PFKP: variants seen among roughly 807,000 people sequenced by gnomAD.
PFKP encodes phosphofructokinase, platelet.
Under a neutral mutation model 94.3 loss-of-function variants are expected in PFKP, and 101 were observed. The ratio of observed to expected loss-of-function variants is 1.07; its 90% CI spans 0.91 to 1.26. The LOEUF is 1.26. Ranked by LOEUF, PFKP falls within the 50% of genes most tolerant of loss-of-function variation. The pLI is 0.00. For missense variants in PFKP, 1,145 were observed against 1,103.3 expected (o/e 1.04, Z -0.53); for synonymous variants, 573 against 432.6 (o/e 1.32, Z -4.03).
intron 20 of PFKP, 133 bp from the exon 21 acceptor site, chr10:3,135,601 TCA>T (rs1839173125): frequency 3.3e-6 from 2 of 606,796 alleles, no homozygotes; most frequent in Non-Finnish European, 5.9e-6. Context: ...GCGGCTGTTC[TCA>T]GTCTCACTGG....
chr10:3,088,114 T>C (rs1833760233), intron 2 of PFKP, among the ~76,000 whole-genome samples: 1 of 150,276 alleles, frequency 6.7e-6, no homozygotes, highest in South Asian at 2.2e-4. Context: ...TCATTTACAT[T>C]AGGTATATCT....
chr10:3,110,274 C>G (rs1165127572), intron 10 of PFKP, among the ~76,000 whole-genome samples: 6 of 151,940 alleles, frequency 3.9e-5, no homozygotes, highest in Non-Finnish European at 8.8e-5. Flanking sequence ...TCTTGGCTCA[C>G]TGCAAGCTCC....
chr10:3,092,103 C>T (rs1435918932), intron 2 of PFKP, among the ~76,000 whole-genome samples: 1 of 152,172 alleles, frequency 6.6e-6, no homozygotes, highest in African/African-American at 2.4e-5. Context: ...CCGCCACCGG[C>T]CCCCAAGCTT....
At chr10:3,119,289 A>C (rs1733052176) in intron 15 of PFKP, among the ~76,000 whole-genome samples, 2 of 152,202 alleles carry the variant, frequency 1.3e-5, no homozygotes, top group African/African-American at 2.4e-5. Flanking sequence ...GTCCCATGGT[A>C]ACCTTTCCAT....
intron 1 of PFKP, chr10:3,068,530 C>T (rs1831912523): frequency 6.7e-6 from 2 of 299,166 alleles, no homozygotes; most frequent in African/African-American, 4.5e-5. Flanking sequence ...AGCGGCGCCG[C>T]GGCGCGGGCT....
chr10:3,102,545 C>A (rs1835121283), intron 4 of PFKP, among the ~76,000 whole-genome samples: 1 of 152,006 alleles, frequency 6.6e-6, no homozygotes. Flanking sequence ...TCCCAAGCAG[C>A]TGGGATTACA....
Position 3,129,937 on chromosome 10 carries a change from A to T in PFKP, c.1802A>T (p.Asp601Val). The T allele has an allele frequency of 1.2e-6, 2 of 1,607,516 alleles. No individual in the cohort carries two copies. The highest frequency in any genetic ancestry group is 1.7e-6 in the Non-Finnish European group (2 of 1,176,520). Residue 601 changes from aspartate to valine, a missense_variant, in exon 17 of 22, where the codon GAT becomes GTT. Physicochemically the swap from Asp to Val is radical, Grantham distance 152 (BLOSUM62 -3). Transcript: ENST00000381125. ...ATGGGGGGGCTCGCGGCCGGAGCTGATGCCGCATACATTTTCGAAGAGCCC... is the reference window on the plus strand; with the variant it reads ...ATGGGGGGGCTCGCGGCCGGAGCTGTTGCCGCATACATTTTCGAAGAGCCC... ...ANMGGLAAGA[D>V]AAYIFEEPFD...
At chr10:3,114,623 G>A (rs1276061186) in intron 13 of PFKP, among the ~76,000 whole-genome samples, 2 of 152,218 alleles carry the variant, frequency 1.3e-5, no homozygotes, top group African/African-American at 4.8e-5. Context: ...AGGGCCTGCT[G>A]GAGATCCCCC....
rs1376970639 is a variant in PFKP, at chr10:3,136,656, TTTATGCACG to T, written c.*79_*87del. 1.3e-5 allele frequency: 19 copies of T among 1,492,066 alleles called. No individual in the cohort carries two copies. In the East Asian group the frequency reaches 3.8e-4, roughly 30 times the overall value. The allele number at this position is 1,492,066 out of a possible 1,614,324, so 92.4% of individuals were successfully genotyped here. A position where few individuals can be genotyped will look rare whatever the true frequency, so the allele number is the denominator to read the frequency against. On this transcript the variant is annotated 3_prime_UTR_variant, in exon 22 of 22. Coordinates refer to ENST00000381125, the MANE Select transcript of PFKP (RefSeq NM_002627.5). ...AACACTTAAGTTATTTTATCAGCAC[TTTATGCACG>T]TATTATTGACATTAATACCTAATCG...
At position 3,111,472 on chromosome 10, in the gene PFKP, C is replaced by T. The variant is rs79011666; in HGVS notation, c.1090-750C>T. On this transcript the variant is annotated intron_variant, in intron 10 of 21. Coordinates refer to ENST00000381125, the MANE Select transcript of PFKP (RefSeq NM_002627.5). ...TCTCATGTCTCTGCTTGTCTAGAGACGACCGTGGTAGGTGTCACTTGCCCT... is the reference window on the plus strand; with the variant it reads ...TCTCATGTCTCTGCTTGTCTAGAGATGACCGTGGTAGGTGTCACTTGCCCT... Among the ~76,000 whole-genome samples, 290 of 152,196 alleles carry T rather than the reference C, an allele frequency of 1.9e-3. 7 individuals are homozygous for T. In the East Asian group the frequency reaches 0.04, roughly 21 times the overall value.
intron 20 of PFKP, among the ~76,000 whole-genome samples, chr10:3,134,943 C>T (rs557539579): frequency 1.1e-4 from 17 of 152,338 alleles, no homozygotes; most frequent in African/African-American, 3.8e-4. Context: ...TTGTGACTAT[C>T]CATCAAAACT....
intron 2 of PFKP, 87 bp from the exon 3 acceptor site, chr10:3,099,188 A>G: frequency 9.3e-7 from 1 of 1,076,120 alleles, no homozygotes; most frequent in Non-Finnish European, 1.4e-6. Flanking sequence ...ATTCACTGTC[A>G]TTTTTCCCGT....
chr10:3,079,663 G>GGGT (rs1554758255), intron 1 of PFKP, among the ~76,000 whole-genome samples: 7 of 8,726 alleles, frequency 8.0e-4, no homozygotes, highest in Non-Finnish European at 1.5e-3. Context: ...AGAGCGGGGT[G>GGGT]GGGGGGGGGG....
In PFKP at chr10:3,077,457, G is replaced by GCA. The variant is rs780900972; in HGVS notation, c.113-4931_113-4930insCA. The stretch of plus-strand genomic sequence containing the variant: ...TTTTTTTTGTATTTTTAGTAGAGAT[G>GCA]GGGTTTCACCCTGTTAGCCAGGATG... On this transcript the variant is annotated intron_variant, in intron 1 of 21. Coordinates refer to ENST00000381125, the MANE Select transcript of PFKP (RefSeq NM_002627.5). Among the ~76,000 whole-genome samples the GCA allele has an allele frequency of 5.1e-3, 772 of 151,342 alleles. 3 individuals are homozygous for GCA. The highest frequency in any genetic ancestry group is 0.012 in the South Asian group (57 of 4,774).
chr10:3,096,773 A>G (rs1025994136), intron 2 of PFKP, among the ~76,000 whole-genome samples: 4 of 151,834 alleles, frequency 2.6e-5, no homozygotes, highest in Non-Finnish European at 5.9e-5. Flanking sequence ...AGAATGAAGC[A>G]TAATTCTTAG....
At chr10:3,093,638 C>CTTTTTTTTTTTTTTTTTTTTTTTTTTT (rs765547765) in intron 2 of PFKP, among the ~76,000 whole-genome samples, 2 of 94,062 alleles carry the variant, frequency 2.1e-5, no homozygotes, top group African/African-American at 9.4e-5. Context: ...CAAGCATTAT[C>CTTTTTTTTTTTTTTTTTTTTTTTTTTT]TTTTTTTTTT....
At chr10:3,134,449 A>AC in intron 19 of PFKP, 34 bp from the exon 20 acceptor site, 1 of 1,161,598 alleles carries the variant, frequency 8.6e-7, no homozygotes, top group Non-Finnish European at 1.3e-6. Context: ...GTTACTGTAT[A>AC]ACTGGTATTT....
At chr10:3,132,507 CTG>C in intron 18 of PFKP, 66 bp downstream of exon 18, 1 of 1,159,282 alleles carries the variant, frequency 8.6e-7, no homozygotes, top group Non-Finnish European at 1.3e-6. Context: ...AGATTCTAGT[CTG>C]TGACTTGGGC....
At chr10:3,125,788 C>A (rs529446852) in intron 16 of PFKP, among the ~76,000 whole-genome samples, 8 of 152,324 alleles carry the variant, frequency 5.3e-5, no homozygotes, top group African/African-American at 1.7e-4. Context: ...GGTGCTGACA[C>A]CCACATGGTG....
Sources: allele counts gnomAD v4.1 joint callset (sites outside exome capture counted in the v4.1 genomes callset), GRCh38; gene constraint gnomAD v4.1.1; transcripts MANE v1.5; gene names NCBI Gene and HGNC (gene_info 2026-07-23, HGNC 2026-07-21).